Variants in TEF observed in about 807,000 individuals in gnomAD.
The protein encoded by TEF is thyrotroph embryonic factor.
In TEF, 3 loss-of-function variants were observed where a neutral mutation model predicts 20.8. That is an observed-to-expected ratio of 0.14 (90% CI 0.07 to 0.37). The LOEUF (loss-of-function observed/expected upper bound fraction) is 0.37. Ranked by LOEUF, TEF falls within the 10% of genes least tolerant of loss-of-function variation. The pLI is 1.00. For missense variants in TEF, 296 were observed against 397.9 expected, an observed-to-expected ratio of 0.74 and a Z score of 2.18; for synonymous variants, 180 against 171.1, an observed-to-expected ratio of 1.05 and a Z score of -0.41.
chr22:41,396,140 C>A lies in TEF; in HGVS notation c.*180C>A, dbSNP rs1900176930. ...CCATGGCCTGCGCACGTGGCGACGT[C>A]CCTGAGGGGCCAGTCTCCTCACTGG... On this transcript the variant is annotated 3_prime_UTR_variant, in exon 4 of 4. Coordinates refer to ENST00000266304, the MANE Select transcript of TEF (RefSeq NM_003216.4). 10 of 625,764 alleles carry A rather than the reference C, an allele frequency of 1.6e-5. No homozygotes were observed. The highest frequency in any genetic ancestry group is 6.1e-5 in the South Asian group (3 of 49,450). 38.8% of individuals were successfully genotyped at this position (625,764 alleles called of 1,614,324 possible).
chr22:41,369,642 G>C (rs1295187497), intron 1 of TEF, among the ~76,000 whole-genome samples: 3 of 152,224 alleles, frequency 2.0e-5, no homozygotes, highest in African/African-American at 7.2e-5. Flanking sequence ...TACCTGAAAA[G>C]CAATAGACCT....
chr22:41,394,970 A>C (rs1279497009), intron 3 of TEF, among the ~76,000 whole-genome samples: 1 of 152,102 alleles, frequency 6.6e-6, no homozygotes, highest in Non-Finnish European at 1.5e-5. Context: ...GATGGTACTC[A>C]CTGTAGGCCA....
chr22:41,387,962 C>T lies in TEF; in HGVS notation c.475+294C>T, dbSNP rs184353711. ...GGCATTACAGGATAGAAATCCCATT[C>T]TGCATTTCCTCAATGCTGCTCTTTT... On this transcript the variant is annotated intron_variant, in intron 2 of 3. Coordinates refer to ENST00000266304, the MANE Select transcript of TEF (RefSeq NM_003216.4). Among the ~76,000 whole-genome samples the T allele has an allele frequency of 3.7e-5, 5 of 134,458 alleles. No individual in the cohort carries two copies. In the East Asian group the frequency reaches 6.9e-4, roughly 19 times the overall value. 88.2% of individuals were successfully genotyped at this position (134,458 alleles called of 152,430 possible).
At chr22:41,379,707 A>G (rs1027116047), upstream of TEF, among the ~76,000 whole-genome samples, 4 of 151,992 alleles carry the variant, frequency 2.6e-5, no homozygotes, top group Admixed American at 1.3e-4. Context: ...TCTACCAAAA[A>G]TACAAAATTA....
chr22:41,396,012 G>C lies in TEF; in HGVS notation c.*52G>C, dbSNP rs759532280. 2 of 1,569,966 alleles carry C rather than the reference G, an allele frequency of 1.3e-6. No homozygotes were observed. The highest frequency in any genetic ancestry group is 1.7e-6 in the Non-Finnish European group (2 of 1,150,000). Reference sequence around the variant, plus strand: ...CTGCCTGCACCTCAGACCTCTGCCTGGGGGCTCCCTGTAACCCCTCACACG... The same window carrying C: ...CTGCCTGCACCTCAGACCTCTGCCTCGGGGCTCCCTGTAACCCCTCACACG... On this transcript the variant is annotated 3_prime_UTR_variant, in exon 4 of 4. Transcript: ENST00000266304.
Position 41,397,389 on chromosome 22 carries a change from C to T in TEF, c.*1429C>T, listed in dbSNP as rs2037242882. On this transcript the variant is annotated 3_prime_UTR_variant, in exon 4 of 4. Coordinates refer to ENST00000266304, the MANE Select transcript of TEF (RefSeq NM_003216.4). ...GCTCATTTGGGTCACTGGGACACCC[C>T]TGAGATGGGTGTGTTTATTTGCTCA... 1 of 322,176 alleles carries T rather than the reference C, an allele frequency of 3.1e-6. No homozygotes were observed. Among genetic ancestry groups the T allele is most frequent in the Middle Eastern group, 8.6e-4 (1 of 1,166 alleles). 20.0% of individuals were successfully genotyped at this position (322,176 alleles called of 1,614,324 possible).
rs751474609 is a variant in TEF, at chr22:41,395,924, C to T, written c.876C>T (p.Ile292=). ...LRKEVGKCKT[I]VSKYETKYGP... Reference sequence around the variant, plus strand: ...AGGAGGTGGGCAAGTGCAAGACCATCGTGTCCAAGTATGAGACCAAATACG... The same window carrying T: ...AGGAGGTGGGCAAGTGCAAGACCATTGTGTCCAAGTATGAGACCAAATACG... Residue 292 remains isoleucine (I), a synonymous_variant, in exon 4 of 4, where the codon ATC becomes ATT. Transcript: ENST00000266304. 3.1e-6 allele frequency: 5 copies of T among 1,614,042 alleles called. No homozygotes were observed. The highest frequency in any genetic ancestry group is 2.2e-5 in the South Asian group (2 of 91,080).
At chr22:41,385,458 G>A (rs567915207) in intron 1 of TEF, among the ~76,000 whole-genome samples, 1 of 152,246 alleles carries the variant, frequency 6.6e-6, no homozygotes, top group Admixed American at 6.5e-5. Flanking sequence ...TAAGTAACAT[G>A]GCTAAGGTCA....
chr22:41,378,987 T>C (rs1001120525), upstream of TEF, among the ~76,000 whole-genome samples: 3 of 152,232 alleles, frequency 2.0e-5, no homozygotes, highest in Non-Finnish European at 4.4e-5. Context: ...AGTAAAATTA[T>C]GAAAACTAAA....
chr22:41,375,456 A>G (rs906884750), intron 1 of TEF, among the ~76,000 whole-genome samples: 5 of 152,160 alleles, frequency 3.3e-5, no homozygotes, highest in African/African-American at 1.2e-4. Context: ...GATGTTATTA[A>G]TGCTCCAAAT....
chr22:41,395,080 C>A (rs1482281190), intron 3 of TEF, among the ~76,000 whole-genome samples: 1 of 152,196 alleles, frequency 6.6e-6, no homozygotes, highest in Non-Finnish European at 1.5e-5. Context: ...GATCTCGGCT[C>A]ACTGCAACTT....
chr22:41,370,720 T>C (rs2036874390), intron 1 of TEF, among the ~76,000 whole-genome samples: 1 of 152,130 alleles, frequency 6.6e-6, no homozygotes, highest in Non-Finnish European at 1.5e-5. Flanking sequence ...CCTCATTCCG[T>C]TTTCTAGTTC....
intron 1 of TEF, among the ~76,000 whole-genome samples, chr22:41,372,848 A>T (rs2036899083): frequency 6.6e-6 from 1 of 152,038 alleles, no homozygotes; most frequent in Non-Finnish European, 1.5e-5. Flanking sequence ...GGTGAGGAAG[A>T]GCCAGCTACC....
chr22:41,378,139 G>A (rs1308315251), upstream of TEF, among the ~76,000 whole-genome samples: 3 of 143,902 alleles, frequency 2.1e-5, no homozygotes, highest in East Asian at 6.0e-4. Flanking sequence ...AAACTAGCAG[G>A]TTTTTTAAAA....
rs2145976548 is a variant in TEF at position 41,381,975 on chromosome 22, T to G, written c.-70T>G. On this transcript the variant is annotated 5_prime_UTR_variant, in exon 1 of 4. Coordinates refer to ENST00000266304, the MANE Select transcript of TEF (RefSeq NM_003216.4). ...TGCCCGTGTCGGCAGCTGCAGCGGGTCGCACGGCTCCGGCCCATCTCGGGG... is the reference window on the plus strand; with the variant it reads ...TGCCCGTGTCGGCAGCTGCAGCGGGGCGCACGGCTCCGGCCCATCTCGGGG... 8.2e-7 allele frequency: 1 copy of G among 1,224,338 alleles called. No individual in the cohort carries two copies. Among genetic ancestry groups the G allele is most frequent in the Non-Finnish European group, 1.0e-6 (1 of 984,848 alleles). 75.8% of individuals were successfully genotyped at this position (1,224,338 alleles called of 1,614,324 possible).
Position 41,396,027 on chromosome 22 carries a change from C to T in TEF, c.*67C>T, listed in dbSNP as rs1200144231. 7.9e-6 allele frequency: 12 copies of T among 1,528,614 alleles called. No individual in the cohort carries two copies. Among genetic ancestry groups the T allele is most frequent in the Admixed American group, 1.8e-5 (1 of 55,180 alleles). 94.7% of individuals were successfully genotyped at this position (1,528,614 alleles called of 1,614,324 possible). On this transcript the variant is annotated 3_prime_UTR_variant, in exon 4 of 4. Transcript: ENST00000266304. The stretch of plus-strand genomic sequence containing the variant: ...ACCTCTGCCTGGGGGCTCCCTGTAA[C>T]CCCTCACACGCGTGGAGACTTATGA...
Position 41,396,733 on chromosome 22 carries a change from C to T in TEF, c.*773C>T, listed in dbSNP as rs921544225. 2.0e-5 allele frequency: 8 copies of T among 391,166 alleles called. No individual in the cohort carries two copies. The highest frequency in any genetic ancestry group is 3.6e-5 in the Non-Finnish European group (8 of 222,006). The allele number at this position is 391,166 out of a possible 1,614,324, so 24.2% of individuals were successfully genotyped here. ...AGGGCTGAGAGAGGCCTCTTCATTT[C>T]CTCTCCAGGCTACTCAGAGGCCATG... On this transcript the variant is annotated 3_prime_UTR_variant, in exon 4 of 4. Coordinates refer to ENST00000266304, the MANE Select transcript of TEF (RefSeq NM_003216.4).
At chr22:41,369,977 C>A in intron 1 of TEF, 1 of 985,432 alleles carries the variant, frequency 1.0e-6, no homozygotes. Context: ...ACATTTAGGT[C>A]ATGTGCAGAG....
intron 2 of TEF, among the ~76,000 whole-genome samples, chr22:41,388,872 T>C (rs2037131137): frequency 6.6e-6 from 1 of 152,074 alleles, no homozygotes; most frequent in African/African-American, 2.4e-5. Context: ...TGTGGAAATT[T>C]TTTCAAACAA....
Sources: allele counts gnomAD v4.1 joint callset (sites outside exome capture counted in the v4.1 genomes callset), GRCh38; gene constraint gnomAD v4.1.1; transcripts MANE v1.5; gene names NCBI Gene and HGNC (gene_info 2026-07-23, HGNC 2026-07-21).